Variants in LRP1B observed in about 807,000 individuals in gnomAD.
The protein encoded by LRP1B is LDL receptor related protein 1B, also known as low-density lipoprotein receptor-related protein 1B.
Under a neutral mutation model 556.6 loss-of-function variants are expected in LRP1B, and 217 were observed. That is an observed-to-expected ratio of 0.39 (90% CI 0.35 to 0.44). The LOEUF (loss-of-function observed/expected upper bound fraction) is 0.44. Ranked by LOEUF, LRP1B falls within the 20% of genes least tolerant of loss-of-function variation. LRP1B has a pLI of 1.00. For missense variants in LRP1B, 5,053 were observed against 5,620.8 expected (o/e 0.90, Z 3.23); for synonymous variants, 2,047 against 1,865.8 (o/e 1.10, Z -2.50).
intron 60 of LRP1B, among the ~76,000 whole-genome samples, chr2:140,468,475 G>C (rs1367760953): frequency 6.6e-6 from 1 of 152,138 alleles, no homozygotes; most frequent in African/African-American, 2.4e-5. Context: ...GTCCCTTATA[G>C]GGCAATGCCA....
intron 2 of LRP1B, among the ~76,000 whole-genome samples, chr2:141,486,170 T>C (rs1297421070): frequency 6.6e-6 from 1 of 152,134 alleles, no homozygotes; most frequent in African/African-American, 2.4e-5. Flanking sequence ...ATGTAATAAC[T>C]TAAAAAGAAA....
intron 2 of LRP1B, among the ~76,000 whole-genome samples, chr2:141,764,891 A>AT (rs149587102): frequency 0.11 from 16,855 of 152,032 alleles, 1,026 homozygotes; most frequent in Middle Eastern, 0.22. Flanking sequence ...TCAGTTTCCT[A>AT]TTTTTTCTGT....
At chr2:140,287,756 T>C (rs74659788) in intron 84 of LRP1B, among the ~76,000 whole-genome samples, 10 of 151,528 alleles carry the variant, frequency 6.6e-5, no homozygotes, top group Non-Finnish European at 1.5e-4. Context: ...AAGGTGTATC[T>C]GATTCTGTGA....
In LRP1B at chr2:141,468,521, T is replaced by C. The variant is rs72989027; in HGVS notation, c.343+11875A>G. ...GTATACATTTATATAAAACAAATTGTATATTTAATTCTACATATAATAAAT... is the reference window on the plus strand; with the variant it reads ...GTATACATTTATATAAAACAAATTGCATATTTAATTCTACATATAATAAAT... On this transcript the variant is annotated intron_variant, in intron 3 of 90. Coordinates refer to ENST00000389484, the MANE Select transcript of LRP1B (RefSeq NM_018557.3). Among the ~76,000 whole-genome samples the C allele has an allele frequency of 5.8e-3, 887 of 152,308 alleles. 11 individuals are homozygous for C. Among genetic ancestry groups the C allele is most frequent in the African/African-American group, 0.02 (831 of 41,538 alleles).
chr2:140,833,670 T>C (rs1691795940), intron 31 of LRP1B, among the ~76,000 whole-genome samples: 1 of 152,176 alleles, frequency 6.6e-6, no homozygotes, highest in Non-Finnish European at 1.5e-5. Context: ...AACATGTTGA[T>C]GATGTTAAGT....
intron 87 of LRP1B, among the ~76,000 whole-genome samples, chr2:140,245,296 T>C (rs1341342879): frequency 6.6e-6 from 1 of 151,372 alleles, no homozygotes; most frequent in Non-Finnish European, 1.5e-5. Flanking sequence ...ATACAAATCG[T>C]TGGAGACCCC....
At chr2:142,013,817 T>C (rs982885638) in intron 1 of LRP1B, among the ~76,000 whole-genome samples, 5 of 152,096 alleles carry the variant, frequency 3.3e-5, no homozygotes, top group African/African-American at 4.8e-5. Context: ...CCATCTTGAG[T>C]GAGGGATAAG....
intron 6 of LRP1B, among the ~76,000 whole-genome samples, chr2:141,224,508 T>C (rs1683169979): frequency 6.6e-6 from 1 of 152,156 alleles, no homozygotes; most frequent in South Asian, 2.1e-4. Flanking sequence ...ATATAAATCA[T>C]TCTATTGTAA....
At chr2:141,121,985 A>G (rs1347361148) in intron 7 of LRP1B, among the ~76,000 whole-genome samples, 2 of 152,194 alleles carry the variant, frequency 1.3e-5, no homozygotes, top group Non-Finnish European at 2.9e-5. Flanking sequence ...AAACCTGACA[A>G]AAACAAGAAA....
intron 66 of LRP1B, among the ~76,000 whole-genome samples, chr2:140,421,478 T>C (rs1685442194): frequency 6.6e-6 from 1 of 152,180 alleles, no homozygotes; most frequent in African/African-American, 2.4e-5. Flanking sequence ...ACTCTAATTA[T>C]GTAATTTTCC....
chr2:140,872,575 A>G (rs1693173171), intron 25 of LRP1B, among the ~76,000 whole-genome samples: 1 of 151,624 alleles, frequency 6.6e-6, no homozygotes, highest in Non-Finnish European at 1.5e-5. Flanking sequence ...CCAGAGTTCA[A>G]AGGTCCAGTT....
intron 6 of LRP1B, among the ~76,000 whole-genome samples, chr2:141,213,120 T>C (rs1682640908): frequency 1.3e-5 from 2 of 151,250 alleles, no homozygotes; most frequent in South Asian, 4.2e-4. Context: ...CTAATTAATT[T>C]TTTTTTTTTT....
chr2:141,703,030 T>C (rs1254015023), intron 2 of LRP1B, among the ~76,000 whole-genome samples: 1 of 151,972 alleles, frequency 6.6e-6, no homozygotes, highest in Non-Finnish European at 1.5e-5. Flanking sequence ...GAAAGGTTAA[T>C]CTGATTATAT....
At chr2:141,206,845 T>C (rs1558932498) in intron 6 of LRP1B, among the ~76,000 whole-genome samples, 1 of 152,180 alleles carries the variant, frequency 6.6e-6, no homozygotes, top group Non-Finnish European at 1.5e-5. Flanking sequence ...CTGGCAAGCA[T>C]GATTGTTGGT....
chr2:140,388,411 AT>A (rs1443909935), intron 66 of LRP1B, among the ~76,000 whole-genome samples: 1 of 152,012 alleles, frequency 6.6e-6, no homozygotes, highest in Non-Finnish European at 1.5e-5. Context: ...TCAATTTAAT[AT>A]GTTTTATATT....
chr2:140,951,415 T>G (rs1205881330), intron 19 of LRP1B, among the ~76,000 whole-genome samples: 1 of 152,152 alleles, frequency 6.6e-6, no homozygotes, highest in Non-Finnish European at 1.5e-5. Flanking sequence ...TTGGCATAAT[T>G]TAGCATAGTA....
intron 23 of LRP1B, among the ~76,000 whole-genome samples, chr2:140,901,819 C>T (rs552127027): frequency 6.6e-6 from 1 of 152,008 alleles, no homozygotes; most frequent in African/African-American, 2.4e-5. Flanking sequence ...TATTTGATAG[C>T]ATATTTTAAT....
At chr2:140,739,911 C>T (rs1688080517) in intron 35 of LRP1B, among the ~76,000 whole-genome samples, 1 of 152,084 alleles carries the variant, frequency 6.6e-6, no homozygotes, top group Admixed American at 6.6e-5. Context: ...GACCAACAAA[C>T]ATATGAAAAA....
intron 20 of LRP1B, among the ~76,000 whole-genome samples, chr2:140,931,687 A>G (rs548620074): frequency 5.9e-5 from 9 of 152,276 alleles, no homozygotes; most frequent in African/African-American, 1.9e-4. Flanking sequence ...TTAAAGTACT[A>G]TCGAAGCAAA....
Sources: gnomAD v4.1 joint callset for allele counts (sites outside exome capture counted in the v4.1 genomes callset) on GRCh38, gnomAD v4.1.1 for gene constraint, MANE v1.5 for transcripts, NCBI Gene and HGNC (gene_info 2026-07-23, HGNC 2026-07-21) for gene names.